Variants in SPOCK1 observed in about 807,000 individuals in gnomAD.
SPOCK1 encodes the protein SPARC (osteonectin), cwcv and kazal like domains proteoglycan 1.
SPOCK1 carries 23 observed loss-of-function variants against 55.3 expected under a neutral mutation model. The ratio of observed to expected loss-of-function variants is 0.42; its 90% CI spans 0.30 to 0.59. SPOCK1 has a LOEUF of 0.59. Among genes scored for constraint, SPOCK1 ranks in the 20% least tolerant of loss-of-function variants. The pLI, the probability that SPOCK1 is intolerant of heterozygous loss-of-function variation, is 0.22. For missense variants in SPOCK1, 499 were observed against 552.5 expected (o/e 0.90, Z 0.97); for synonymous variants, 226 against 221.0 (o/e 1.02, Z -0.20).
At chr5:137,343,310 C>A (rs1750479616) in intron 2 of SPOCK1, among the ~76,000 whole-genome samples, 1 of 152,238 alleles carries the variant, frequency 6.6e-6, no homozygotes, top group African/African-American at 2.4e-5. Context: ...TCCTTCCCTA[C>A]TGAGGACCCT....
intron 5 of SPOCK1, among the ~76,000 whole-genome samples, chr5:137,074,609 C>G (rs906581914): frequency 3.9e-5 from 6 of 152,184 alleles, no homozygotes; most frequent in African/African-American, 1.4e-4. Flanking sequence ...CTCCGCCTCC[C>G]AGGTTCAAGC....
At chr5:137,056,121 T>G (rs1752294151) in intron 6 of SPOCK1, among the ~76,000 whole-genome samples, 1 of 152,188 alleles carries the variant, frequency 6.6e-6, no homozygotes, top group Non-Finnish European at 1.5e-5. Flanking sequence ...TGCACTGTCC[T>G]GGGCATGGTA....
Position 137,081,953 on chromosome 5 carries a change from T to C in SPOCK1, c.475-14124A>G, listed in dbSNP as rs1215445110. On this transcript the variant is annotated intron_variant, in intron 5 of 10. Transcript: ENST00000394945. The stretch of plus-strand genomic sequence containing the variant: ...AAAGACTGTCATTTTTCCTTTCTTT[T>C]GATTACACAGTTTTTCTGCAACATG... 2.6e-5 allele frequency among the ~76,000 whole-genome samples: 4 copies of C among 152,372 alleles called. No homozygotes were observed. The East Asian group carries it at 7.7e-4, about 29-fold the overall frequency.
intron 2 of SPOCK1, among the ~76,000 whole-genome samples, chr5:137,452,310 A>G (rs1418720671): frequency 1.3e-5 from 2 of 152,170 alleles, no homozygotes; most frequent in South Asian, 2.1e-4. Context: ...GTATTTTTAT[A>G]CCAATTCTGC....
intron 2 of SPOCK1, among the ~76,000 whole-genome samples, chr5:137,334,070 T>A (rs1437141935): frequency 6.6e-6 from 1 of 152,194 alleles, no homozygotes; most frequent in Non-Finnish European, 1.5e-5. Flanking sequence ...TCTCTGCCAA[T>A]GGAGGCATTC....
intron 2 of SPOCK1, among the ~76,000 whole-genome samples, chr5:137,448,421 G>A (rs574543295): frequency 6.6e-6 from 1 of 152,108 alleles, no homozygotes; most frequent in African/African-American, 2.4e-5. Context: ...GTTTCTTTGG[G>A]GCTCTTAGAC....
chr5:137,350,996 C>T (rs774972209), intron 2 of SPOCK1, among the ~76,000 whole-genome samples: 1 of 152,142 alleles, frequency 6.6e-6, no homozygotes, highest in Non-Finnish European at 1.5e-5. Context: ...CATGACTCAG[C>T]GGAATGTAGG....
At chr5:137,352,405 A>G (rs1319292674) in intron 2 of SPOCK1, among the ~76,000 whole-genome samples, 2 of 152,196 alleles carry the variant, frequency 1.3e-5, no homozygotes, top group Non-Finnish European at 2.9e-5. Context: ...GCCTCACCTC[A>G]AGGTGGTTAT....
At chr5:137,494,049 T>A (rs568634431) in intron 2 of SPOCK1, among the ~76,000 whole-genome samples, 23 of 152,170 alleles carry the variant, frequency 1.5e-4, no homozygotes, top group Non-Finnish European at 3.1e-4. Context: ...TAAGATAAAT[T>A]CCAGCCAAGG....
At chr5:136,978,953 GA>G in intron 10 of SPOCK1, 109 bp from the exon 11 acceptor site, 17 of 1,203,784 alleles carry the variant, frequency 1.4e-5, no homozygotes, top group Non-Finnish European at 1.9e-5. Flanking sequence ...TTTACTTTCT[GA>G]AAACAGAAAC....
intron 6 of SPOCK1, 118 bp downstream of exon 6, chr5:137,067,597 G>C (rs1752532679): frequency 1.2e-6 from 1 of 811,878 alleles, no homozygotes; most frequent in African/African-American, 1.7e-5. Flanking sequence ...GTACTTACCT[G>C]TCATGTCTGC....
rs1160971021 is a variant in SPOCK1, at chr5:137,226,806, G to A, written c.232+40204C>T. ...TCCAGTTTAAGTATAACTACCGTGT[G>A]CCCTGTAGTATCTTATACCTCACAT... On this transcript the variant is annotated intron_variant, in intron 3 of 10. Transcript: ENST00000394945. Among the ~76,000 whole-genome samples, 4 of 152,254 alleles carry A rather than the reference G, an allele frequency of 2.6e-5. No individual in the cohort carries two copies. The East Asian group carries it at 7.7e-4, about 29-fold the overall frequency.
At chr5:137,315,808 C>T (rs1290831733) in intron 2 of SPOCK1, among the ~76,000 whole-genome samples, 2 of 152,190 alleles carry the variant, frequency 1.3e-5, no homozygotes, top group Non-Finnish European at 2.9e-5. Flanking sequence ...TCCCTCTCTG[C>T]TTCTCAGACT....
At chr5:137,436,480 T>C (rs1421590797) in intron 2 of SPOCK1, among the ~76,000 whole-genome samples, 1 of 152,194 alleles carries the variant, frequency 6.6e-6, no homozygotes. Context: ...GTTCCTGCAA[T>C]AATAACCACG....
intron 5 of SPOCK1, among the ~76,000 whole-genome samples, chr5:137,108,733 C>T (rs1753411595): frequency 1.3e-5 from 2 of 152,194 alleles, no homozygotes; most frequent in Non-Finnish European, 2.9e-5. Flanking sequence ...AATTCAAAGA[C>T]ACTAAAGGAA....
intron 6 of SPOCK1, among the ~76,000 whole-genome samples, chr5:137,042,586 A>G (rs116598914): frequency 0.016 from 2,369 of 152,250 alleles, 53 homozygotes; most frequent in African/African-American, 0.054. Flanking sequence ...ATAAGCAAAC[A>G]GCCTATACAT....
intron 2 of SPOCK1, among the ~76,000 whole-genome samples, chr5:137,493,605 C>T (rs970543977): frequency 6.6e-6 from 1 of 152,172 alleles, no homozygotes; most frequent in African/African-American, 2.4e-5. Context: ...ATAATGATCC[C>T]TGTGAAATAA....
chr5:137,242,354 T>A (rs1279203014), intron 3 of SPOCK1, among the ~76,000 whole-genome samples: 2 of 152,160 alleles, frequency 1.3e-5, no homozygotes, highest in East Asian at 1.9e-4. Context: ...TCTCATGAGA[T>A]CTGATGGTTT....
At position 137,401,866 on chromosome 5, in the gene SPOCK1, A is replaced by G. The variant is rs1191860325; in HGVS notation, c.186+96507T>C. Reference sequence around the variant, plus strand: ...TGCGTGATGTGCACAAACTCCCCACACCTTCTCTCTCACCCACCTCTCCTT... The same window carrying G: ...TGCGTGATGTGCACAAACTCCCCACGCCTTCTCTCTCACCCACCTCTCCTT... On this transcript the variant is annotated intron_variant, in intron 2 of 10. Transcript: ENST00000394945. Among the ~76,000 whole-genome samples the G allele has an allele frequency of 2.6e-5, 4 of 151,932 alleles. 1 individual carries two copies. The highest frequency in any genetic ancestry group is 4.4e-5 in the Non-Finnish European group (3 of 67,994).
Sources: allele counts gnomAD v4.1 joint callset (sites outside exome capture counted in the v4.1 genomes callset), GRCh38; gene constraint gnomAD v4.1.1; transcripts MANE v1.5; gene names NCBI Gene and HGNC (gene_info 2026-07-23, HGNC 2026-07-21).